Variants in TLR9 observed in about 807,000 individuals in gnomAD.
TLR9 encodes the protein toll like receptor 9, also known as toll-like receptor 9.
TLR9 carries 19 observed loss-of-function variants against 24.6 expected under a neutral mutation model. That is an observed-to-expected ratio of 0.77 (90% CI 0.54 to 1.13). The LOEUF is 1.13. Among genes scored for constraint, TLR9 ranks in the 50% most tolerant of loss-of-function variants. TLR9 has a pLI of 0.00. For synonymous variants in TLR9, 579 were observed against 609.8 expected (o/e 0.95, Z 0.74); for missense variants, 1,065 against 1,379.6 (o/e 0.77, Z 3.61).
In TLR9 at chr3:52,221,662, T is replaced by C. The variant is rs1391526951; in HGVS notation, c.2654A>G (p.Asp885Gly). Reference sequence around the variant, plus strand: ...CCCCCGAAGCTCGTTGTACACCCAGTCTGCCACTGCGCTCTGCGTTTTGTC... The same window carrying C: ...CCCCCGAAGCTCGTTGTACACCCAGCCTGCCACTGCGCTCTGCGTTTTGTC... ...VFDKTQSAVA[D>G]WVYNELRGQL... Residue 885 changes from aspartate to glycine, a missense_variant, in exon 2 of 2, where the codon GAC (aspartate) becomes GGC (glycine). Coordinates refer to ENST00000360658, the MANE Select transcript of TLR9 (RefSeq NM_017442.4). The surrounding 1 kb of genome is among the most constrained non-coding windows in gnomAD (Gnocchi z 9.9). 1.2e-6 allele frequency: 2 copies of C among 1,613,944 alleles called. No individual in the cohort carries two copies. Among genetic ancestry groups the C allele is most frequent in the Non-Finnish European group, 1.7e-6 (2 of 1,180,002 alleles).
chr3:52,225,636 C>T lies in TLR9; in HGVS notation c.-107G>A. 1 of 1,489,192 alleles carries T rather than the reference C, an allele frequency of 6.7e-7. No individual in the cohort carries two copies. The highest frequency in any genetic ancestry group is 9.2e-7 in the Non-Finnish European group (1 of 1,086,086). The allele number at this position is 1,489,192 out of a possible 1,614,324, so 92.2% of individuals were successfully genotyped here. ...TCCCTTCCCACAGGGGCAGCAGCGG[C>T]TCAGAGAATAGAGGAAGTAAGATTT... On this transcript the variant is annotated 5_prime_UTR_variant, in exon 1 of 2. Coordinates refer to ENST00000360658, the MANE Select transcript of TLR9 (RefSeq NM_017442.4).
chr3:52,224,464 C>A, intron 1 of TLR9, 152 bp from the exon 2 acceptor site: 1 of 665,246 alleles, frequency 1.5e-6, no homozygotes. Flanking sequence ...TTCCCATCCC[C>A]CATGGCTTGT....
rs1203475069 is a variant in TLR9, at chr3:52,222,490, G to A, written c.1826C>T (p.Ala609Val). Residue 609 changes from alanine (A) to valine (V), a missense_variant, in exon 2 of 2, where the codon GCA (alanine) becomes GTA (valine). Transcript: ENST00000360658. Reference sequence around the variant, plus strand: ...TCCCTCGGCCCACATATGGCCCAGTGCATTGCCGCTGAAGTCCAGGGCCCG... The same window carrying A: ...TCCCTCGGCCCACATATGGCCCAGTACATTGCCGCTGAAGTCCAGGGCCCG... ...SLRALDFSGN[A>V]LGHMWAEGDL... is the part of the protein sequence containing the mutation. 3 of 1,614,132 alleles carry A rather than the reference G, an allele frequency of 1.9e-6. No homozygotes were observed. The highest frequency in any genetic ancestry group is 2.5e-6 in the Non-Finnish European group (3 of 1,180,052).
In TLR9 at chr3:52,223,611, C is replaced by T; in HGVS notation, c.705G>A (p.Leu235=). Residue 235 remains leucine, a synonymous_variant, in exon 2 of 2, where the codon CTG becomes CTA. Transcript: ENST00000360658. The part of the protein sequence containing the change: ...LLLSYNRIVK[L]APEDLANLTA... ...TCAGATTGGCCAGGTCCTCAGGCGCCAGTTTGACGATGCGGTTGTAGGACA... is the reference window on the plus strand; with the variant it reads ...TCAGATTGGCCAGGTCCTCAGGCGCTAGTTTGACGATGCGGTTGTAGGACA... The T allele has an allele frequency of 1.9e-6, 3 of 1,547,798 alleles. No individual in the cohort carries two copies. Among genetic ancestry groups the T allele is most frequent in the Non-Finnish European group, 2.6e-6 (3 of 1,147,692 alleles).
chr3:52,222,846 C>A lies in TLR9; in HGVS notation c.1470G>T (p.Glu490Asp). 6.2e-7 allele frequency: 1 copy of A among 1,612,514 alleles called. No homozygotes were observed. Among genetic ancestry groups the A allele is most frequent in the Non-Finnish European group, 8.5e-7 (1 of 1,178,638 alleles). Reference protein sequence around the residue: ...SRNNLVTVQPEMFAQLSHLQC... With the variant: ...SRNNLVTVQPDMFAQLSHLQC... ...GCAGGTGCGAGAGCTGGGCAAACATCTCCGGCTGCACGGTCACCAGGTTGT... is the reference window on the plus strand; with the variant it reads ...GCAGGTGCGAGAGCTGGGCAAACATATCCGGCTGCACGGTCACCAGGTTGT... Residue 490 changes from glutamate (E) to aspartate (D), a missense_variant, in exon 2 of 2, where the codon GAG (glutamate) becomes GAT (aspartate). Glu to Asp is a conservative substitution (Grantham distance 45). Transcript: ENST00000360658.
In TLR9 at chr3:52,223,488, A is replaced by G. The variant is rs1699586488; in HGVS notation, c.828T>C (p.His276=). The G allele has an allele frequency of 6.4e-7, 1 of 1,563,538 alleles. No homozygotes were observed. Among genetic ancestry groups the G allele is most frequent in the African/African-American group, 1.4e-5 (1 of 73,546 alleles). ...MECPRHFPQL[H]PDTFSHLSRL... Reference sequence around the variant, plus strand: ...GGCTCAGGTGGCTGAAGGTATCGGGATGTAGCTGGGGGAAGTGACGAGGGC... The same window carrying G: ...GGCTCAGGTGGCTGAAGGTATCGGGGTGTAGCTGGGGGAAGTGACGAGGGC... Residue 276 remains histidine, a synonymous_variant, in exon 2 of 2, where the codon CAT becomes CAC. Coordinates refer to ENST00000360658, the MANE Select transcript of TLR9 (RefSeq NM_017442.4).
rs1463235691 is a variant in TLR9, at chr3:52,221,235, C to T, written c.3081G>A (p.Gln1027=). Residue 1027 remains glutamine, a synonymous_variant, in exon 2 of 2, where the codon CAG becomes CAA. Transcript: ENST00000360658. The surrounding 1 kb of genome is among the most constrained non-coding windows in gnomAD (Gnocchi z 9.9). Reference sequence around the variant, plus strand: ...CTCACGGCTATTCGGCCGTGGGTCCCTGGCAGAAGTTCCGGTTATAGAAGT... The same window carrying T: ...CTCACGGCTATTCGGCCGTGGGTCCTTGGCAGAAGTTCCGGTTATAGAAGT... ...NHHFYNRNFC[Q]GPTAE 2.6e-6 allele frequency: 4 copies of T among 1,513,088 alleles called. No individual in the cohort carries two copies. Among genetic ancestry groups the T allele is most frequent in the Non-Finnish European group, 3.5e-6 (4 of 1,130,934 alleles). 93.7% of individuals were successfully genotyped at this position (1,513,088 alleles called of 1,614,324 possible).
rs1297252503 is a variant in TLR9, at chr3:52,223,615, T to G, written c.701A>C (p.Lys234Thr). 3 of 1,549,806 alleles carry G rather than the reference T, an allele frequency of 1.9e-6. No individual in the cohort carries two copies. Among genetic ancestry groups the G allele is most frequent in the East Asian group, 4.5e-5 (2 of 44,306 alleles). The change falls in exon 2 of 2, where the codon AAA (lysine) becomes ACA (threonine). Residue 234 changes from lysine to threonine, a missense_variant. By Grantham distance (78) the Lys-to-Thr change is moderately conservative. Coordinates refer to ENST00000360658, the MANE Select transcript of TLR9 (RefSeq NM_017442.4). ...ATTGGCCAGGTCCTCAGGCGCCAGTTTGACGATGCGGTTGTAGGACAACAG... is the reference window on the plus strand; with the variant it reads ...ATTGGCCAGGTCCTCAGGCGCCAGTGTGACGATGCGGTTGTAGGACAACAG... ...YLLLSYNRIV[K>T]LAPEDLANLT...
chr3:52,222,214 G>A lies in TLR9; in HGVS notation c.2102C>T (p.Thr701Ile). The change falls in exon 2 of 2, where the codon ACC becomes ATC. Residue 701 changes from threonine to isoleucine, a missense_variant. Coordinates refer to ENST00000360658, the MANE Select transcript of TLR9 (RefSeq NM_017442.4). ...GCTGACATCCAGCCTCCGGAGCCGG[G>A]TGCCAGCAGGCAGGCTGCCATTGGT... ...ALTNGSLPAG[T>I]RLRRLDVSCN... The A allele has an allele frequency of 6.2e-7, 1 of 1,614,120 alleles. No homozygotes were observed.
rs564593912 is a variant in TLR9, at chr3:52,225,604, C to A, written c.-75G>T. The A allele has an allele frequency of 5.7e-6, 9 of 1,566,048 alleles. No homozygotes were observed. The highest frequency in any genetic ancestry group is 1.7e-4 in the Middle Eastern group (1 of 5,888). On this transcript the variant is annotated 5_prime_UTR_variant, in exon 1 of 2. Transcript: ENST00000360658. Reference sequence around the variant, plus strand: ...CAGCTACAGGGAAGGATGCTTCACACTCGAGGTCCCTTCCCACAGGGGCAG... The same window carrying A: ...CAGCTACAGGGAAGGATGCTTCACAATCGAGGTCCCTTCCCACAGGGGCAG...
At position 52,222,450 on chromosome 3, in the gene TLR9, G is replaced by T; in HGVS notation, c.1866C>A (p.His622Gln). Residue 622 changes from histidine (H) to glutamine (Q), a missense_variant, in exon 2 of 2, where the codon CAC becomes CAA. By Grantham distance (24) the His-to-Gln change is conservative (BLOSUM62 0). Transcript: ENST00000360658. Reference protein sequence around the residue: ...HMWAEGDLYLHFFQGLSGLIW... With the variant: ...HMWAEGDLYLQFFQGLSGLIW... ...TCAAACCGCTCAGGCCTTGGAAGAA[G>T]TGCAGATAGAGGTCTCCCTCGGCCC... 6.2e-7 allele frequency: 1 copy of T among 1,614,216 alleles called. No homozygotes were observed.
In TLR9 at chr3:52,221,417, C is replaced by A. The variant is rs1699550739; in HGVS notation, c.2899G>T (p.Val967Leu). The A allele has an allele frequency of 6.2e-7, 1 of 1,601,984 alleles. No individual in the cohort carries two copies. ...RLLEDRKDVV[V>L]LVILSPDGRR... ...CCGTCAGGGCTCAGGATCACCAGCA[C>A]CACGACGTCCTTGCGGTCCTCCAGC... The change falls in exon 2 of 2, where the codon GTG becomes TTG. Residue 967 changes from valine to leucine, a missense_variant. Transcript: ENST00000360658. This position sits in a 1 kb window ranked among gnomAD's most constrained non-coding sequence, Gnocchi z 9.9.
Position 52,223,218 on chromosome 3 carries a change from C to A in TLR9, c.1098G>T (p.Leu366=). ...AGATGCCGTGCATGTCCAGCTCCTT[C>A]AGGGCGACCAGGCTCCCGAAGGAAG... is the stretch of plus-strand genomic sequence containing the variant. The part of the protein sequence containing the change: ...LAPSFGSLVA[L]KELDMHGIFF... The change falls in exon 2 of 2, where the codon CTG becomes CTT. Residue 366 remains leucine, a synonymous_variant. Coordinates refer to ENST00000360658, the MANE Select transcript of TLR9 (RefSeq NM_017442.4). 6.2e-7 allele frequency: 1 copy of A among 1,613,878 alleles called. No homozygotes were observed.
chr3:52,223,271 C>T lies in TLR9; in HGVS notation c.1045G>A (p.Val349Met), dbSNP rs1319273627. 9 of 1,614,090 alleles carry T rather than the reference C, an allele frequency of 5.6e-6. No homozygotes were observed. In the East Asian group the frequency reaches 8.9e-5, roughly 16 times the overall value. Residue 349 changes from valine to methionine, a missense_variant, in exon 2 of 2, where the codon GTG becomes ATG. Coordinates refer to ENST00000360658, the MANE Select transcript of TLR9 (RefSeq NM_017442.4). ...LNLSFNYQKR[V>M]SFAHLSLAPS... ...GCCAGAGACAGGTGGGCAAAGGACA[C>T]CCTCTTTTGGTAATTGAAGGACAGG...
In TLR9 at chr3:52,221,701, G is replaced by A; in HGVS notation, c.2615C>T (p.Ala872Val). 3 of 1,613,938 alleles carry A rather than the reference G, an allele frequency of 1.9e-6. No homozygotes were observed. Among genetic ancestry groups the A allele is most frequent in the Non-Finnish European group, 2.5e-6 (3 of 1,180,032 alleles). ...CTGCGTTTTGTCGAAGACCACGAAGGCATCGTAGGGCAGGGCATCCTCATC... is the reference window on the plus strand; with the variant it reads ...CTGCGTTTTGTCGAAGACCACGAAGACATCGTAGGGCAGGGCATCCTCATC... ...GRDEDALPYD[A>V]FVVFDKTQSA... The change falls in exon 2 of 2, where the codon GCC becomes GTC. Residue 872 changes from alanine (A) to valine (V), a missense_variant. By Grantham distance (64) the Ala-to-Val change is moderately conservative. Transcript: ENST00000360658. The surrounding 1 kb of genome is among the most constrained non-coding windows in gnomAD (Gnocchi z 9.9).
chr3:52,223,518 C>T lies in TLR9; in HGVS notation c.798G>A (p.Met266Ile). The T allele has an allele frequency of 6.5e-7, 1 of 1,547,472 alleles. No homozygotes were observed. Among genetic ancestry groups the T allele is most frequent in the African/African-American group, 1.4e-5 (1 of 73,086 alleles). ...GCTGGGGGAAGTGACGAGGGCACTCCATGCAGGGGTTGGGAGCGTGGTCGC... is the reference window on the plus strand; with the variant it reads ...GCTGGGGGAAGTGACGAGGGCACTCTATGCAGGGGTTGGGAGCGTGGTCGC... Reference protein sequence around the residue: ...RRCDHAPNPCMECPRHFPQLH... With the variant: ...RRCDHAPNPCIECPRHFPQLH... Residue 266 changes from methionine (M) to isoleucine (I), a missense_variant, in exon 2 of 2, where the codon ATG (methionine) becomes ATA (isoleucine). Transcript: ENST00000360658.
In TLR9 at chr3:52,223,180, AGT is replaced by A. The variant is rs781571253; in HGVS notation, c.1134_1135del (p.Leu379ArgfsTer2). 1 of 1,613,650 alleles carries A rather than the reference AGT, an allele frequency of 6.2e-7. No individual in the cohort carries two copies. Among genetic ancestry groups the A allele is most frequent in the African/African-American group, 1.3e-5 (1 of 75,052 alleles). Reference sequence around the variant, plus strand: ...CAGTGGCCGGAGCGTGGTCTCATCGAGTGAGCGGAAGAAGATGCCGTGCATGT... The same window carrying A: ...CAGTGGCCGGAGCGTGGTCTCATCGAGAGCGGAAGAAGATGCCGTGCATGT... On this transcript the variant is annotated frameshift_variant, in exon 2 of 2. Coordinates refer to ENST00000360658, the MANE Select transcript of TLR9 (RefSeq NM_017442.4). LOFTEE classifies it low-confidence loss of function (END_TRUNC).
intron 1 of TLR9, 148 bp downstream of exon 1, chr3:52,225,379 G>T: frequency 1.0e-6 from 1 of 954,388 alleles, no homozygotes; most frequent in South Asian, 1.6e-5. Flanking sequence ...GAGGGCTTCG[G>T]CTCTGAAGTC....
In TLR9 at chr3:52,221,148, A is replaced by C; in HGVS notation, c.*69T>G. 1 of 1,397,958 alleles carries C rather than the reference A, an allele frequency of 7.2e-7. No homozygotes were observed. The highest frequency in any genetic ancestry group is 9.6e-7 in the Non-Finnish European group (1 of 1,038,078). The allele number at this position is 1,397,958 out of a possible 1,614,324, so 86.6% of individuals were successfully genotyped here. A position where few individuals can be genotyped will look rare whatever the true frequency, so the allele number is the denominator to read the frequency against. On this transcript the variant is annotated 3_prime_UTR_variant, in exon 2 of 2. Transcript: ENST00000360658. This position sits in a 1 kb window ranked among gnomAD's most constrained non-coding sequence, Gnocchi z 9.9. ...GTGGGGTGAGGGAGGCGAGCAGGGG[A>C]GGGTCAGACCAGGCAGGCAGAGGTG...
Sources: gnomAD v4.1 joint callset for allele counts on GRCh38, gnomAD v4.1.1 for gene constraint, Gnocchi (gnomAD v3.1) non-coding constraint, MANE v1.5 for transcripts, NCBI Gene and HGNC (gene_info 2026-07-23, HGNC 2026-07-21) for gene names.